Variants in ARHGAP25 observed in about 807,000 individuals in gnomAD.
The protein encoded by ARHGAP25 is Rho GTPase activating protein 25.
In ARHGAP25, 34 loss-of-function variants were observed where a neutral mutation model predicts 71.0. The observed-to-expected ratio is 0.48, with a 90% confidence interval of 0.36 to 0.64. The LOEUF (loss-of-function observed/expected upper bound fraction) is 0.64. Ranked by LOEUF, ARHGAP25 falls within the 30% of genes least tolerant of loss-of-function variation. The pLI is 0.00. For synonymous variants in ARHGAP25, 282 were observed against 296.5 expected (o/e 0.95, Z 0.50); for missense variants, 706 against 805.1 (o/e 0.88, Z 1.49).
intron 2 of ARHGAP25, among the ~76,000 whole-genome samples, chr2:68,723,988 C>T (rs576924613): frequency 1.3e-5 from 2 of 152,198 alleles, no homozygotes; most frequent in South Asian, 4.1e-4. Flanking sequence ...ATTCTCCCAC[C>T]TCGGCTACCT....
chr2:68,761,175 G>A (rs905836560), intron 1 of ARHGAP25, among the ~76,000 whole-genome samples: 1 of 151,912 alleles, frequency 6.6e-6, no homozygotes, highest in Non-Finnish European at 1.5e-5. Flanking sequence ...TAGGAAAACT[G>A]GATATCCACA....
chr2:68,745,020 T>A (rs570910993), intron 1 of ARHGAP25, among the ~76,000 whole-genome samples: 1 of 152,336 alleles, frequency 6.6e-6, no homozygotes, highest in African/African-American at 2.4e-5. Flanking sequence ...ACACTTGACT[T>A]AACTACGAAG....
At chr2:68,756,119 G>C (rs1422497388) in intron 1 of ARHGAP25, among the ~76,000 whole-genome samples, 1 of 152,184 alleles carries the variant, frequency 6.6e-6, no homozygotes, top group Non-Finnish European at 1.5e-5. Flanking sequence ...CCAGAAGGAG[G>C]CTTGGACAGT....
At position 68,761,541 on chromosome 2, in the gene ARHGAP25, AC is replaced by A. The variant is rs971754014; in HGVS notation, c.62-13676del. ...AAGCTCCTAAACTCTACAAAAAAAA[AC>A]CCCACAAACAACTCAGTTCAAAAAT... is the stretch of plus-strand genomic sequence containing the variant. On this transcript the variant is annotated intron_variant, in intron 1 of 10. Transcript: ENST00000409202. Among the ~76,000 whole-genome samples, 52 of 145,760 alleles carry A rather than the reference AC, an allele frequency of 3.6e-4. 1 individual carries two copies. In the South Asian group the frequency reaches 0.01, roughly 29 times the overall value.
chr2:68,782,720 G>T (rs1678429087), intron 3 of ARHGAP25, among the ~76,000 whole-genome samples: 2 of 152,230 alleles, frequency 1.3e-5, no homozygotes, highest in Non-Finnish European at 1.5e-5. Flanking sequence ...ACGTGAAATT[G>T]CCATTTTGAT....
chr2:68,758,643 G>T (rs1676624147), intron 1 of ARHGAP25, among the ~76,000 whole-genome samples: 1 of 151,570 alleles, frequency 6.6e-6, no homozygotes, highest in African/African-American at 2.4e-5. Context: ...GGAGAAATAG[G>T]CAGTTCTATA....
chr2:68,727,518 C>T (rs993558032), intron 2 of ARHGAP25, among the ~76,000 whole-genome samples: 25 of 152,150 alleles, frequency 1.6e-4, no homozygotes, highest in African/African-American at 6.0e-4. Flanking sequence ...CAGGGCATCA[C>T]CCTACTTCAC....
chr2:68,739,586 C>T (rs1428436151), intron 1 of ARHGAP25, among the ~76,000 whole-genome samples: 1 of 152,212 alleles, frequency 6.6e-6, no homozygotes, highest in Non-Finnish European at 1.5e-5. Context: ...CATGAAGGTG[C>T]ACCCCAGTCG....
intron 1 of ARHGAP25, among the ~76,000 whole-genome samples, chr2:68,742,065 C>T (rs1468808821): frequency 1.3e-5 from 2 of 152,202 alleles, no homozygotes; most frequent in African/African-American, 2.4e-5. Context: ...ATCTATTCTC[C>T]TTAAGCTGTG....
chr2:68,747,561 A>G (rs1387921605), intron 1 of ARHGAP25, among the ~76,000 whole-genome samples: 1 of 152,116 alleles, frequency 6.6e-6, no homozygotes, highest in African/African-American at 2.4e-5. Context: ...CATGGCTTTA[A>G]GTCCTACCTT....
rs143093902 is a variant in ARHGAP25 at position 68,783,693 on chromosome 2, C to T, written c.349+1373C>T. Among the ~76,000 whole-genome samples, 184 of 152,222 alleles carry T rather than the reference C, an allele frequency of 1.2e-3. No homozygotes were observed. In the Middle Eastern group the frequency reaches 0.014, roughly 11 times the overall value. On this transcript the variant is annotated intron_variant, in intron 3 of 10. Transcript: ENST00000409202. ...GGCCGGGCTGCTCTCGAACTTCTGACCTCAGGCAATCCACCTGCCTCAGCT... is the reference window on the plus strand; with the variant it reads ...GGCCGGGCTGCTCTCGAACTTCTGATCTCAGGCAATCCACCTGCCTCAGCT...
At chr2:68,793,487 G>T (rs571479134) in intron 4 of ARHGAP25, among the ~76,000 whole-genome samples, 32 of 152,186 alleles carry the variant, frequency 2.1e-4, no homozygotes, top group Non-Finnish European at 3.4e-4. Flanking sequence ...TCATTCTTCA[G>T]CATTTGGCAA....
Position 68,747,008 on chromosome 2 carries a change from C to CAA in ARHGAP25, c.61+11767_61+11768dup, listed in dbSNP as rs70954322. Among the ~76,000 whole-genome samples, 458 of 83,982 alleles carry CAA rather than the reference C, an allele frequency of 5.5e-3. 4 individuals carry two copies. Among genetic ancestry groups the CAA allele is most frequent in the African/African-American group, 0.02 (437 of 21,606 alleles). 55.1% of individuals were successfully genotyped at this position (83,982 alleles called of 152,430 possible). A position where few individuals can be genotyped will look rare whatever the true frequency, so the allele number is the denominator to read the frequency against. On this transcript the variant is annotated intron_variant, in intron 1 of 10. Coordinates refer to ENST00000409202, the MANE Select transcript of ARHGAP25 (RefSeq NM_001007231.3). ...AGGCAACAAGAGCGAAACTCCATCT[C>CAA]AAAAAAAAAAAAAAAAAAAAGACAG...
intron 1 of ARHGAP25, among the ~76,000 whole-genome samples, chr2:68,748,065 A>G (rs940898087): frequency 7.9e-5 from 12 of 152,130 alleles, no homozygotes; most frequent in African/African-American, 2.9e-4. Flanking sequence ...TTAGGATTAA[A>G]TTCAAACTCA....
At chr2:68,825,748 C>T (rs556273589) in intron 10 of ARHGAP25, among the ~76,000 whole-genome samples, 1 of 152,164 alleles carries the variant, frequency 6.6e-6, no homozygotes, top group African/African-American at 2.4e-5. Context: ...GCACTCCATC[C>T]AGCCTGGGCA....
At position 68,819,015 on chromosome 2, in the gene ARHGAP25, C is replaced by T. The variant is rs927560176; in HGVS notation, c.1004-108C>T. 22 of 969,778 alleles carry T rather than the reference C, an allele frequency of 2.3e-5. No homozygotes were observed. The Admixed American group carries it at 5.5e-4, about 24-fold the overall frequency. The allele number at this position is 969,778 out of a possible 1,614,324, so 60.1% of individuals were successfully genotyped here. ...AGAAGCAAAATGAGGCCCTTCTGGG[C>T]CCTATAGTTTTAGAACCGAGTTTGG... On this transcript the variant is annotated intron_variant, in intron 8 of 10. Coordinates refer to ENST00000409202, the MANE Select transcript of ARHGAP25 (RefSeq NM_001007231.3).
rs538214821 is a variant in ARHGAP25 at position 68,825,541 on chromosome 2, G to A, written c.1734-446G>A. On this transcript the variant is annotated intron_variant, in intron 10 of 10. Transcript: ENST00000409202. ...AGCACTTTGGGAGGCCAAGGCAGGCGGATCACGAGGTCAGGAGATCAAGAC... is the reference window on the plus strand; with the variant it reads ...AGCACTTTGGGAGGCCAAGGCAGGCAGATCACGAGGTCAGGAGATCAAGAC... 7.2e-4 allele frequency among the ~76,000 whole-genome samples: 109 copies of A among 152,184 alleles called. 1 individual carries two copies. Among genetic ancestry groups the A allele is most frequent in the Middle Eastern group, 3.4e-3 (1 of 294 alleles).
At chr2:68,771,457 T>G (rs1346912788) in intron 1 of ARHGAP25, among the ~76,000 whole-genome samples, 1 of 152,206 alleles carries the variant, frequency 6.6e-6, no homozygotes, top group Non-Finnish European at 1.5e-5. Flanking sequence ...TTTGTTTACT[T>G]TATCCGGAAC....
chr2:68,746,848 A>C (rs1362248004), intron 1 of ARHGAP25, among the ~76,000 whole-genome samples: 2 of 151,884 alleles, frequency 1.3e-5, no homozygotes, highest in Non-Finnish European at 2.9e-5. Flanking sequence ...CTCTACTAAA[A>C]ATACAAAAAA....
Sources: allele counts gnomAD v4.1 joint callset (sites outside exome capture counted in the v4.1 genomes callset), GRCh38; gene constraint gnomAD v4.1.1; transcripts MANE v1.5; gene names NCBI Gene and HGNC (gene_info 2026-07-23, HGNC 2026-07-21).